The following ABCG1 variants were observed in gnomAD, a reference collection of about 807,000 sequenced individuals.
ABCG1 encodes the protein ATP binding cassette subfamily G member 1, also known as ATP-binding cassette sub-family G member 1.
Under a neutral mutation model 69.2 loss-of-function variants are expected in ABCG1, and 29 were observed. The observed-to-expected ratio is 0.42, with a 90% confidence interval of 0.31 to 0.57. The LOEUF is 0.57. Among genes scored for constraint, ABCG1 ranks in the 20% least tolerant of loss-of-function variants. The pLI is 0.15. For synonymous variants in ABCG1, 370 were observed against 374.8 expected (o/e 0.99, Z 0.15); for missense variants, 718 against 898.1 (o/e 0.80, Z 2.56).
In ABCG1 at chr21:42,273,693, A is replaced by G. The variant is rs143023376; in HGVS notation, c.537+258A>G. ...GCAGGGTTGGGGTCAAGTTTCTGAG[A>G]AGGTTATTAACCCGGCTGGCTTGGG... On this transcript the variant is annotated intron_variant, in intron 4 of 14. Coordinates refer to ENST00000398449, the MANE Select transcript of ABCG1 (RefSeq NM_016818.3). The surrounding 1 kb of genome is among the most constrained non-coding windows in gnomAD (Gnocchi z 5.3). Among the ~76,000 whole-genome samples the G allele has an allele frequency of 4.0e-3, 616 of 152,288 alleles. 3 individuals carry two copies. Among genetic ancestry groups the G allele is most frequent in the African/African-American group, 0.014 (573 of 41,542 alleles).
chr21:42,282,647 T>C (rs1569235630), intron 6 of ABCG1, among the ~76,000 whole-genome samples: 1 of 152,030 alleles, frequency 6.6e-6, no homozygotes, highest in Non-Finnish European at 1.5e-5. Flanking sequence ...ACCCTGGGGG[T>C]ATGGCTTTGG....
At chr21:42,218,903 C>A (rs2067673286), upstream of ABCG1, among the ~76,000 whole-genome samples, 1 of 152,202 alleles carries the variant, frequency 6.6e-6, no homozygotes. Context: ...GCCCAGCCCC[C>A]GCGAGTTCGG....
chr21:42,253,807 C>T (rs1027291186), intron 2 of ABCG1, among the ~76,000 whole-genome samples: 6 of 152,066 alleles, frequency 3.9e-5, no homozygotes, highest in African/African-American at 1.4e-4. Context: ...GTGAGGAGGT[C>T]GTGTGTGCCT....
intron 2 of ABCG1, among the ~76,000 whole-genome samples, chr21:42,248,951 A>G (rs2068178425): frequency 6.6e-6 from 1 of 151,890 alleles, no homozygotes; most frequent in Non-Finnish European, 1.5e-5. Context: ...ATGGGTCCAC[A>G]GTGGAATATT....
rs1002527862 is a variant in ABCG1 at position 42,276,261 on chromosome 21, C to CA, written c.538-630dup. On this transcript the variant is annotated intron_variant, in intron 4 of 14. Transcript: ENST00000398449. The surrounding 1 kb of genome is among the most constrained non-coding windows in gnomAD (Gnocchi z 5.3). ...GGGATCTCAAAAAACACAACAACAA[C>CA]AAAACGCGGCATCCTGACGTGTCGC... 1 of 152,324 alleles carries CA rather than the reference C, an allele frequency of 6.6e-6. No homozygotes were observed. The highest frequency in any genetic ancestry group is 2.4e-5 in the African/African-American group (1 of 41,434). The allele number at this position is 152,324 out of a possible 1,614,324, so 9.4% of individuals were successfully genotyped here. A position where few individuals can be genotyped will look rare whatever the true frequency, so the allele number is the denominator to read the frequency against.
chr21:42,242,419 T>C (rs1288418435), intron 2 of ABCG1, among the ~76,000 whole-genome samples: 1 of 152,156 alleles, frequency 6.6e-6, no homozygotes, highest in African/African-American at 2.4e-5. Context: ...GAGGGTTGCT[T>C]GAGGCTAGGA....
intron 2 of ABCG1, among the ~76,000 whole-genome samples, chr21:42,261,462 C>G (rs2068411749): frequency 6.6e-6 from 1 of 152,154 alleles, no homozygotes; most frequent in African/African-American, 2.4e-5. Flanking sequence ...AGCAGGATAG[C>G]AAACTCCATC....
At chr21:42,279,480 G>A (rs2068768945) in intron 5 of ABCG1, among the ~76,000 whole-genome samples, 1 of 152,216 alleles carries the variant, frequency 6.6e-6, no homozygotes, top group African/African-American at 2.4e-5. Context: ...CCACCGGATG[G>A]CCTTGGGCCA....
chr21:42,291,189 T>C lies in ABCG1; in HGVS notation c.1491T>C (p.Phe497=). The change falls in exon 12 of 15, where the codon TTT becomes TTC. Residue 497 remains phenylalanine, a synonymous_variant. Coordinates refer to ENST00000398449, the MANE Select transcript of ABCG1 (RefSeq NM_016818.3). This position sits in a 1 kb window ranked among gnomAD's most constrained non-coding sequence, Gnocchi z 6.4. ...CCAAGACCATGGCAGACGTGCCCTTTCAGGTGTGTTAGCCAGGGGCTGGAA... is the reference window on the plus strand; with the variant it reads ...CCAAGACCATGGCAGACGTGCCCTTCCAGGTGTGTTAGCCAGGGGCTGGAA... The part of the protein sequence containing the change: ...YLAKTMADVP[F]QIMFPVAYCS... 1.2e-6 allele frequency: 2 copies of C among 1,612,254 alleles called. No homozygotes were observed. The highest frequency in any genetic ancestry group is 1.7e-6 in the Non-Finnish European group (2 of 1,178,684).
chr21:42,273,219 G>T lies in ABCG1; in HGVS notation c.405-84G>T, dbSNP rs1156458530. 2.2e-5 allele frequency: 33 copies of T among 1,523,652 alleles called. No individual in the cohort carries two copies. The highest frequency in any genetic ancestry group is 2.8e-5 in the African/African-American group (2 of 72,440). The allele number at this position is 1,523,652 out of a possible 1,614,324, so 94.4% of individuals were successfully genotyped here. On this transcript the variant is annotated intron_variant, in intron 3 of 14. Transcript: ENST00000398449. This position sits in a 1 kb window ranked among gnomAD's most constrained non-coding sequence, Gnocchi z 5.3. ...GGAAGATGCTGGGAGGCAAGCCCCC[G>T]TCTCTGGCTCCCCTCTCCTGCCCCG...
chr21:42,235,634 C>T (rs2067968397), intron 2 of ABCG1, among the ~76,000 whole-genome samples: 1 of 152,138 alleles, frequency 6.6e-6, no homozygotes, highest in Non-Finnish European at 1.5e-5. Context: ...AAATTTTTTT[C>T]TAATTGGTTA....
Position 42,291,090 on chromosome 21 carries a change from A to G in ABCG1, c.1394-2A>G. 1 of 1,610,282 alleles carries G rather than the reference A, an allele frequency of 6.2e-7. No homozygotes were observed. Among genetic ancestry groups the G allele is most frequent in the Non-Finnish European group, 8.5e-7 (1 of 1,176,634 alleles). On this transcript the variant is annotated splice_acceptor_variant, in intron 11 of 14. Transcript: ENST00000398449. LOFTEE classifies it high-confidence loss of function. This position sits in a 1 kb window ranked among gnomAD's most constrained non-coding sequence, Gnocchi z 6.4. ...CTTCTTTTTTGCTTTTCTATCTCCT[A>G]GTTCCCCTGGAGATGGGAGTCTTTC...
intron 2 of ABCG1, among the ~76,000 whole-genome samples, chr21:42,260,600 G>A (rs1281255404): frequency 1.3e-5 from 2 of 152,178 alleles, no homozygotes; most frequent in African/African-American, 4.8e-5. Flanking sequence ...AGGTGACAGT[G>A]CAGCAGGATG....
At chr21:42,293,519 CCA>C (rs1201849853) in intron 13 of ABCG1, among the ~76,000 whole-genome samples, 2 of 146,658 alleles carry the variant, frequency 1.4e-5, no homozygotes, top group Non-Finnish European at 3.0e-5. Flanking sequence ...ACACTACCCA[CCA>C]CACATACTAC....
At position 42,284,681 on chromosome 21, in the gene ABCG1, C is replaced by T. The variant is rs750810181; in HGVS notation, c.856C>T (p.Gln286Ter). The T allele has an allele frequency of 1.7e-5, 27 of 1,612,818 alleles. No homozygotes were observed. The highest frequency in any genetic ancestry group is 2.1e-5 in the Non-Finnish European group (25 of 1,179,986). The change falls in exon 7 of 15, where the codon CAG becomes TAG. Residue 286 changes from glutamine to a stop codon, truncating the protein, a stop_gained and splice_region_variant. Transcript: ENST00000398449. LOFTEE classifies it high-confidence loss of function. ...PSAKLFELFDQLYVLSQGQCV... is the reference protein window; with the variant it reads ...PSAKLFELFD ...CGCCAAACTCTTCGAGCTGTTCGAC[C>T]AGGTACGCGGGCCCCGGGCCCTCCC... is the stretch of plus-strand genomic sequence containing the variant.
chr21:42,205,998 A>G (rs1372669369), intron 2 of ABCG1, among the ~76,000 whole-genome samples: 1 of 152,106 alleles, frequency 6.6e-6, no homozygotes, highest in Non-Finnish European at 1.5e-5. Flanking sequence ...TTGGATTCTA[A>G]CTGTTCAGAA....
chr21:42,209,062 C>G (rs1389561756), intron 2 of ABCG1, among the ~76,000 whole-genome samples: 1 of 152,136 alleles, frequency 6.6e-6, no homozygotes, highest in Admixed American at 6.6e-5. Flanking sequence ...ACCAGGAGAG[C>G]TCAGAGGTCT....
intron 6 of ABCG1, among the ~76,000 whole-genome samples, chr21:42,283,449 A>G (rs2068851118): frequency 6.6e-6 from 1 of 152,180 alleles, no homozygotes; most frequent in African/African-American, 2.4e-5. Context: ...GGGCTAGGAA[A>G]GGAGAAGAGA....
chr21:42,231,766 G>T (rs1457841991), intron 2 of ABCG1, among the ~76,000 whole-genome samples: 2 of 152,238 alleles, frequency 1.3e-5, no homozygotes, highest in South Asian at 2.1e-4. Flanking sequence ...AGGCTGAAGG[G>T]GGATGGATAG....
Sources: allele counts gnomAD v4.1 joint callset (sites outside exome capture counted in the v4.1 genomes callset), GRCh38; gene constraint gnomAD v4.1.1; non-coding constraint Gnocchi (gnomAD v3.1); transcripts MANE v1.5; gene names NCBI Gene and HGNC (gene_info 2026-07-23, HGNC 2026-07-21).